Variants in PICALM observed in about 807,000 individuals in gnomAD.
PICALM encodes the protein phosphatidylinositol-binding clathrin assembly protein.
PICALM carries 40 observed loss-of-function variants against 80.5 expected under a neutral mutation model. That is an observed-to-expected ratio of 0.50 (90% CI 0.39 to 0.65). The LOEUF (loss-of-function observed/expected upper bound fraction) is 0.65. Among genes scored for constraint, PICALM ranks in the 30% least tolerant of loss-of-function variants. The pLI, the probability that PICALM is intolerant of heterozygous loss-of-function variation, is 0.00. For synonymous variants in PICALM, 288 were observed against 260.3 expected, an observed-to-expected ratio of 1.11 and a Z score of -1.02; for missense variants, 676 against 778.9, an observed-to-expected ratio of 0.87 and a Z score of 1.57.
At chr11:86,060,279 C>A (rs1318632783) in intron 1 of PICALM, among the ~76,000 whole-genome samples, 1 of 152,150 alleles carries the variant, frequency 6.6e-6, no homozygotes, top group Admixed American at 6.5e-5. Flanking sequence ...TGTGGGGGTT[C>A]TCTACCAATA....
intron 6 of PICALM, among the ~76,000 whole-genome samples, chr11:86,011,739 T>C (rs1159417239): frequency 6.6e-6 from 1 of 152,162 alleles, no homozygotes; most frequent in African/African-American, 2.4e-5. Context: ...AAAAGTTCAT[T>C]ATGGAGTTGA....
intron 12 of PICALM, among the ~76,000 whole-genome samples, chr11:85,990,982 T>TG (rs1193391130): frequency 6.6e-6 from 1 of 152,202 alleles, no homozygotes; most frequent in Non-Finnish European, 1.5e-5. Context: ...CTTAATAGAC[T>TG]GCGAACACCT....
At chr11:86,008,382 G>A (rs1165622012) in intron 7 of PICALM, among the ~76,000 whole-genome samples, 1 of 152,124 alleles carries the variant, frequency 6.6e-6, no homozygotes. Context: ...AGCACTTTGG[G>A]AGGCTGAGGT....
At chr11:86,060,470 A>T (rs995538480) in intron 1 of PICALM, among the ~76,000 whole-genome samples, 4 of 152,222 alleles carry the variant, frequency 2.6e-5, no homozygotes, top group African/African-American at 9.6e-5. Context: ...CATTCAACCT[A>T]TGGCAATATC....
intron 1 of PICALM, among the ~76,000 whole-genome samples, chr11:86,067,126 C>A (rs1336641427): frequency 1.3e-5 from 2 of 152,192 alleles, no homozygotes; most frequent in Admixed American, 6.5e-5. Flanking sequence ...AAAACTTGTT[C>A]TAACAGCATT....
intron 1 of PICALM, among the ~76,000 whole-genome samples, chr11:86,060,713 T>G (rs1222357427): frequency 1.4e-5 from 2 of 145,602 alleles, no homozygotes; most frequent in African/African-American, 5.0e-5. Flanking sequence ...CAAATAGTAC[T>G]GCACAACTAG....
chr11:85,970,620 A>G (rs1010618457), intron 19 of PICALM, among the ~76,000 whole-genome samples: 1 of 152,240 alleles, frequency 6.6e-6, no homozygotes, highest in African/African-American at 2.4e-5. Flanking sequence ...GTTTGAGACC[A>G]GCCTGGCCAA....
intron 19 of PICALM, among the ~76,000 whole-genome samples, chr11:85,962,878 C>T (rs981634087): frequency 1.1e-4 from 16 of 152,206 alleles, no homozygotes; most frequent in African/African-American, 2.7e-4. Flanking sequence ...CATCCTACCC[C>T]TTCCTGGCAT....
chr11:86,045,519 CA>C (rs71040207), intron 1 of PICALM, among the ~76,000 whole-genome samples: 1,644 of 47,734 alleles, frequency 0.034, 15 homozygotes, highest in East Asian at 0.13. Flanking sequence ...TCTTGAAATT[CA>C]AAAAAAAAAA....
At chr11:85,972,840 G>A (rs1309642134) in intron 19 of PICALM, among the ~76,000 whole-genome samples, 1 of 152,042 alleles carries the variant, frequency 6.6e-6, no homozygotes, top group Non-Finnish European at 1.5e-5. Context: ...ACATGAAAAA[G>A]ACATTAACTG....
At chr11:85,961,443 T>C (rs189976232) in intron 19 of PICALM, among the ~76,000 whole-genome samples, 1 of 152,330 alleles carries the variant, frequency 6.6e-6, no homozygotes, top group African/African-American at 2.4e-5. Flanking sequence ...TGCTTCCTGT[T>C]TGGACAAATT....
intron 3 of PICALM, among the ~76,000 whole-genome samples, chr11:86,025,335 G>A (rs1365225097): frequency 6.6e-6 from 1 of 151,988 alleles, no homozygotes; most frequent in Non-Finnish European, 1.5e-5. Context: ...GGGAGGCGGA[G>A]GTTGCAGTGA....
At chr11:86,065,200 C>T (rs1283866616) in intron 1 of PICALM, among the ~76,000 whole-genome samples, 1 of 152,156 alleles carries the variant, frequency 6.6e-6, no homozygotes, top group Non-Finnish European at 1.5e-5. Context: ...GTAATCCCAG[C>T]CCTTTGGGAG....
At chr11:86,040,010 A>G (rs1056327245) in intron 1 of PICALM, among the ~76,000 whole-genome samples, 3 of 150,118 alleles carry the variant, frequency 2.0e-5, no homozygotes, top group Admixed American at 6.6e-5. Context: ...TCTCAAAAAA[A>G]AAAAAAAAAA....
intron 16 of PICALM, 36 bp from the exon 17 acceptor site, chr11:85,981,264 C>CT: frequency 8.6e-7 from 1 of 1,163,134 alleles, no homozygotes; most frequent in Non-Finnish European, 1.3e-6. Flanking sequence ...TTAAATGTCT[C>CT]TAATTATAAA....
intron 19 of PICALM, among the ~76,000 whole-genome samples, chr11:85,971,786 T>C (rs572103664): frequency 6.6e-6 from 1 of 151,852 alleles, no homozygotes; most frequent in Admixed American, 6.6e-5. Flanking sequence ...GACAAGCAAT[T>C]TTTTGTTTGT....
intron 7 of PICALM, 142 bp downstream of exon 7, chr11:86,010,888 C>G (rs534672507): frequency 1.2e-5 from 7 of 584,194 alleles, no homozygotes; most frequent in Non-Finnish European, 1.2e-5. Context: ...TCATATCTTG[C>G]CACAGAATTC....
intron 14 of PICALM, among the ~76,000 whole-genome samples, chr11:85,982,553 G>A (rs921829299): frequency 6.9e-6 from 1 of 145,862 alleles, no homozygotes; most frequent in Non-Finnish European, 1.5e-5. Flanking sequence ...TCAGCCTCCC[G>A]AGTAGCTGGG....
At chr11:86,035,769 T>C (rs2508379) in intron 1 of PICALM, among the ~76,000 whole-genome samples, 108,389 of 150,072 alleles carry the variant, frequency 0.72, 39,669 homozygotes, top group African/African-American at 0.87. Flanking sequence ...ATGGTGAAAC[T>C]CTGTCTCTAC....
Sources: gnomAD v4.1 joint callset for allele counts (sites outside exome capture counted in the v4.1 genomes callset) on GRCh38, gnomAD v4.1.1 for gene constraint, MANE v1.5 for transcripts, NCBI Gene and HGNC (gene_info 2026-07-23, HGNC 2026-07-21) for gene names.